The following PRKN variants were observed in gnomAD, a reference collection of about 807,000 sequenced individuals.
The protein encoded by PRKN is parkin RBR E3 ubiquitin protein ligase.
Under a neutral mutation model 59.5 loss-of-function variants are expected in PRKN, and 56 were observed. The observed-to-expected ratio is 0.94, with a 90% CI of 0.76 to 1.18. The LOEUF (loss-of-function observed/expected upper bound fraction) is 1.18, where lower values mean the gene tolerates loss of function less well. Among genes scored for constraint, PRKN ranks in the 50% most tolerant of loss-of-function variants. The pLI, the probability that PRKN is intolerant of heterozygous loss-of-function variation, is 0.00. For missense variants in PRKN, 657 were observed against 596.4 expected, an observed-to-expected ratio of 1.10 and a Z score of -1.06; for synonymous variants, 250 against 222.1, an observed-to-expected ratio of 1.13 and a Z score of -1.12.
At chr6:162,457,712 T>C (rs1027118619) in intron 1 of PRKN, among the ~76,000 whole-genome samples, 3 of 152,078 alleles carry the variant, frequency 2.0e-5, no homozygotes, top group Admixed American at 1.3e-4. Context: ...CTGTAATGAG[T>C]GTGTTGTGTT....
chr6:161,492,007 G>T (rs900402948), intron 9 of PRKN, among the ~76,000 whole-genome samples: 12 of 152,146 alleles, frequency 7.9e-5, no homozygotes, highest in African/African-American at 2.9e-4. Flanking sequence ...TCATAGGATT[G>T]TTGGGAGAAT....
intron 1 of PRKN, among the ~76,000 whole-genome samples, chr6:162,555,760 G>A (rs2128204900): frequency 6.6e-6 from 1 of 152,258 alleles, no homozygotes; most frequent in Middle Eastern, 3.4e-3. Context: ...GGAGGCCGAG[G>A]CAGGTGGATC....
chr6:162,329,787 T>C (rs183628373), intron 2 of PRKN, among the ~76,000 whole-genome samples: 1 of 152,208 alleles, frequency 6.6e-6, no homozygotes, highest in African/African-American at 2.4e-5. Flanking sequence ...ATAAAATAAA[T>C]CCTGTAAAAC....
intron 8 of PRKN, among the ~76,000 whole-genome samples, chr6:161,563,662 T>C (rs6909754): frequency 0.46 from 70,686 of 152,044 alleles, 16,916 homozygotes; most frequent in Middle Eastern, 0.56. Context: ...CAGTGATACA[T>C]AGTGTTTAAT....
At chr6:161,977,764 G>A (rs959135139) in intron 5 of PRKN, among the ~76,000 whole-genome samples, 4 of 151,680 alleles carry the variant, frequency 2.6e-5, no homozygotes, top group East Asian at 2.0e-4. Context: ...AGCCAGGATG[G>A]TCTCAATCTC....
At chr6:162,257,678 G>A (rs62429430) in intron 3 of PRKN, among the ~76,000 whole-genome samples, 14,835 of 152,066 alleles carry the variant, frequency 0.098, 838 homozygotes, top group South Asian at 0.26. Flanking sequence ...AGGGAAACAG[G>A]GTTTCTATAG....
At position 161,538,447 on chromosome 6, in the gene PRKN, G is replaced by A. The variant is rs955733628; in HGVS notation, c.1083+10407C>T. 6.6e-6 allele frequency among the ~76,000 whole-genome samples: 1 copy of A among 152,108 alleles called. No homozygotes were observed. The highest frequency in any genetic ancestry group is 1.5e-5 in the Non-Finnish European group (1 of 68,028). ...GTGGGGACAAAGGCCTGTATGGTAG[G>A]CTTGGATAGCTCTGCCAGGTGTACC... is the stretch of plus-strand genomic sequence containing the variant. On this transcript the variant is annotated intron_variant, in intron 9 of 11. Transcript: ENST00000366898. The surrounding 1 kb of genome is among the most constrained non-coding windows in gnomAD (Gnocchi z 4.2).
chr6:162,213,858 C>T (rs1437281028), intron 3 of PRKN, among the ~76,000 whole-genome samples: 7 of 103,950 alleles, frequency 6.7e-5, no homozygotes, highest in Non-Finnish European at 9.5e-5. Context: ...CACACACACA[C>T]ATATGAATAG....
chr6:162,706,174 T>C (rs1292375086), intron 1 of PRKN, among the ~76,000 whole-genome samples: 1 of 150,326 alleles, frequency 6.7e-6, no homozygotes, highest in African/African-American at 2.4e-5. Flanking sequence ...AAGCTGCCAT[T>C]GTGAGAAAGA....
intron 1 of PRKN, among the ~76,000 whole-genome samples, chr6:162,696,335 A>C (rs906349986): frequency 7.2e-5 from 11 of 152,078 alleles, no homozygotes; most frequent in African/African-American, 2.4e-4. Context: ...CACGCTCAAG[A>C]AAGGAGGAAG....
At chr6:161,638,855 C>T (rs1233713900) in intron 7 of PRKN, among the ~76,000 whole-genome samples, 1 of 150,622 alleles carries the variant, frequency 6.6e-6, no homozygotes, top group Admixed American at 6.6e-5. Context: ...AATTCTCCTG[C>T]CTCAGCCTCC....
At chr6:161,913,164 T>C in intron 6 of PRKN, among the ~76,000 whole-genome samples, 1 of 110,806 alleles carries the variant, frequency 9.0e-6, no homozygotes, top group Non-Finnish European at 1.7e-5. Context: ...CAAAACTCCA[T>C]CTCAGGAAAA....
At chr6:161,608,646 C>A (rs1350981766) in intron 7 of PRKN, among the ~76,000 whole-genome samples, 2 of 152,010 alleles carry the variant, frequency 1.3e-5, no homozygotes, top group African/African-American at 4.8e-5. Context: ...GATTCTCCTG[C>A]CTCAGCCTCC....
chr6:161,542,696 T>C (rs1477420064), intron 9 of PRKN, among the ~76,000 whole-genome samples: 1 of 152,226 alleles, frequency 6.6e-6, no homozygotes, highest in Admixed American at 6.5e-5. Flanking sequence ...ACATCTTGTA[T>C]ATCAAAGCCT....
At chr6:162,656,082 T>C (rs935756743) in intron 1 of PRKN, among the ~76,000 whole-genome samples, 13 of 152,142 alleles carry the variant, frequency 8.5e-5, no homozygotes, top group Admixed American at 6.5e-5. Context: ...CTAATCTACA[T>C]TCAAGGACTA....
chr6:161,883,878 C>T (rs1034040141), intron 6 of PRKN, among the ~76,000 whole-genome samples: 2 of 152,090 alleles, frequency 1.3e-5, no homozygotes, highest in African/African-American at 4.8e-5. Flanking sequence ...GTCTCAAACT[C>T]CTGACCTCAA....
At chr6:161,489,388 T>A (rs952506945) in intron 9 of PRKN, among the ~76,000 whole-genome samples, 3 of 151,750 alleles carry the variant, frequency 2.0e-5, no homozygotes, top group Non-Finnish European at 4.4e-5. Flanking sequence ...GGTGAAACCC[T>A]GTCTCTACTA....
In PRKN at chr6:161,432,458, G is replaced by A. The variant is rs142819055; in HGVS notation, c.1084-45581C>T. Among the ~76,000 whole-genome samples the A allele has an allele frequency of 1.9e-3, 282 of 148,674 alleles. 1 individual carries two copies. The highest frequency in any genetic ancestry group is 4.5e-3 in the African/African-American group (182 of 40,246). On this transcript the variant is annotated intron_variant, in intron 9 of 11. Coordinates refer to ENST00000366898, the MANE Select transcript of PRKN (RefSeq NM_004562.3). Reference sequence around the variant, plus strand: ...GCTCACTGCAACCTCTGCCTCCCGGGTTCAAGCGATTCTCCTGCCTCAGCC... The same window carrying A: ...GCTCACTGCAACCTCTGCCTCCCGGATTCAAGCGATTCTCCTGCCTCAGCC...
In PRKN at chr6:161,379,576, T is replaced by C. The variant is rs1785879418; in HGVS notation, c.1167+7218A>G. On this transcript the variant is annotated intron_variant, in intron 10 of 11. Transcript: ENST00000366898. This position sits in a 1 kb window ranked among gnomAD's most constrained non-coding sequence, Gnocchi z 4.9. ...GCAGCAGACAGCTCTCTGCCAAGTCTCTACCCGGGAAGTGCCCCCAGCTGA... is the reference window on the plus strand; with the variant it reads ...GCAGCAGACAGCTCTCTGCCAAGTCCCTACCCGGGAAGTGCCCCCAGCTGA... 6.6e-6 allele frequency among the ~76,000 whole-genome samples: 1 copy of C among 152,148 alleles called. No homozygotes were observed. The highest frequency in any genetic ancestry group is 1.5e-5 in the Non-Finnish European group (1 of 68,028).
Sources: gnomAD v4.1 joint callset for allele counts (sites outside exome capture counted in the v4.1 genomes callset) on GRCh38, gnomAD v4.1.1 for gene constraint, Gnocchi (gnomAD v3.1) non-coding constraint, MANE v1.5 for transcripts, NCBI Gene and HGNC (gene_info 2026-07-23, HGNC 2026-07-21) for gene names.